The following SNX4 variants were observed in gnomAD, a reference collection of about 807,000 sequenced individuals.
SNX4 encodes sorting nexin-4.
SNX4 carries 49 observed loss-of-function variants against 70.8 expected under a neutral mutation model. That is an observed-to-expected ratio of 0.69 (90% CI 0.55 to 0.88). SNX4 has a LOEUF of 0.88. Ranked by LOEUF, SNX4 falls within the 40% of genes least tolerant of loss-of-function variation. The pLI is 0.00. For missense variants in SNX4, 528 were observed against 544.8 expected (o/e 0.97, Z 0.31); for synonymous variants, 206 against 183.8 (o/e 1.12, Z -0.98).
chr3:125,461,441 C>T (rs1028076660), intron 9 of SNX4, among the ~76,000 whole-genome samples: 3 of 152,084 alleles, frequency 2.0e-5, no homozygotes, highest in Non-Finnish European at 4.4e-5. Flanking sequence ...AAAAAATGGT[C>T]TTTTTCATAG....
chr3:125,511,571 GC>G (rs1935176336), intron 1 of SNX4, among the ~76,000 whole-genome samples: 1 of 152,124 alleles, frequency 6.6e-6, no homozygotes, highest in African/African-American at 2.4e-5. Flanking sequence ...CAGACCCTAG[GC>G]CATATGTTTC....
intron 1 of SNX4, 123 bp downstream of exon 1, chr3:125,519,909 A>G (rs1038772481): frequency 3.8e-5 from 33 of 877,972 alleles, no homozygotes; most frequent in Non-Finnish European, 8.0e-6. Context: ...GCTCCCCCTC[A>G]CTGCTGGGCC....
intron 5 of SNX4, among the ~76,000 whole-genome samples, chr3:125,491,966 G>C (rs1215837991): frequency 6.6e-6 from 1 of 151,894 alleles, no homozygotes; most frequent in Non-Finnish European, 1.5e-5. Context: ...AAATTAGCCA[G>C]GTGTGGTGGC....
intron 8 of SNX4, among the ~76,000 whole-genome samples, chr3:125,475,941 T>C (rs1934280045): frequency 1.3e-5 from 2 of 150,832 alleles, no homozygotes; most frequent in South Asian, 4.2e-4. Context: ...CCTACACCAC[T>C]GCACTCCAGC....
intron 13 of SNX4, among the ~76,000 whole-genome samples, chr3:125,448,071 G>A (rs1258529435): frequency 1.3e-5 from 2 of 151,494 alleles, no homozygotes; most frequent in Non-Finnish European, 2.9e-5. Flanking sequence ...TTGGAAAACT[G>A]AGTTAATTCA....
chr3:125,506,594 C>A (rs1160472523), intron 1 of SNX4, among the ~76,000 whole-genome samples: 2 of 150,190 alleles, frequency 1.3e-5, no homozygotes, highest in African/African-American at 4.9e-5. Flanking sequence ...TAACCTCCAC[C>A]TCTTGGGTTC....
rs142722230 is a variant in SNX4 at position 125,485,778 on chromosome 3, C to T, written c.653+3630G>A. Among the ~76,000 whole-genome samples, 671 of 152,238 alleles carry T rather than the reference C, an allele frequency of 4.4e-3. 7 individuals carry two copies. The highest frequency in any genetic ancestry group is 0.016 in the African/African-American group (644 of 41,540). The stretch of plus-strand genomic sequence containing the variant: ...AGTGACTGTGAGAAATCATAAATGA[C>T]AGTCCACTCCCCACCCTCCTCTTCT... On this transcript the variant is annotated intron_variant, in intron 6 of 13. Coordinates refer to ENST00000251775, the MANE Select transcript of SNX4 (RefSeq NM_003794.4).
chr3:125,489,573 T>C, intron 5 of SNX4, 110 bp from the exon 6 acceptor site: 1 of 824,182 alleles, frequency 1.2e-6, no homozygotes, highest in East Asian at 2.6e-5. Flanking sequence ...TTTCTTCATA[T>C]CAATTGTTGT....
chr3:125,511,005 GCCT>G (rs1272557660), intron 1 of SNX4, among the ~76,000 whole-genome samples: 1 of 152,170 alleles, frequency 6.6e-6, no homozygotes, highest in Non-Finnish European at 1.5e-5. Context: ...CGCAACCTCA[GCCT>G]CCTGGGCTCA....
intron 1 of SNX4, among the ~76,000 whole-genome samples, chr3:125,504,962 T>C (rs533826106): frequency 6.6e-6 from 1 of 152,138 alleles, no homozygotes; most frequent in African/African-American, 2.4e-5. Context: ...ATTTTAGTTA[T>C]GTATGTATTT....
intron 8 of SNX4, among the ~76,000 whole-genome samples, chr3:125,476,297 T>C (rs980030563): frequency 7.9e-6 from 1 of 126,316 alleles, no homozygotes; most frequent in Non-Finnish European, 1.6e-5. Flanking sequence ...AAGGGCTGGG[T>C]GCAGTGGCTT....
intron 1 of SNX4, among the ~76,000 whole-genome samples, chr3:125,509,291 C>T (rs1243532496): frequency 2.7e-5 from 4 of 147,096 alleles, no homozygotes; most frequent in South Asian, 4.3e-4. Context: ...GATTGCACCA[C>T]TGCACTCCAG....
intron 8 of SNX4, 81 bp downstream of exon 8, chr3:125,476,614 C>G (rs1934294749): frequency 2.3e-6 from 2 of 858,684 alleles, no homozygotes; most frequent in Admixed American, 2.1e-5. Context: ...TCTCTCCACA[C>G]TCATAAATGT....
rs201334146 is a variant in SNX4, at chr3:125,509,391, C to G, written c.142-4647G>C. Among the ~76,000 whole-genome samples the G allele has an allele frequency of 4.0e-5, 6 of 148,968 alleles. No individual in the cohort carries two copies. In the East Asian group the frequency reaches 1.2e-3, roughly 30 times the overall value. On this transcript the variant is annotated intron_variant, in intron 1 of 13. Coordinates refer to ENST00000251775, the MANE Select transcript of SNX4 (RefSeq NM_003794.4). ...TAGAGTAAAAAGGCAACCCAAAGAA[C>G]AGAAGAAAGTATTTTCTCTCACGGA...
At chr3:125,454,001 T>C (rs376660398) in intron 11 of SNX4, 46 bp from the exon 12 acceptor site, 84 of 1,456,962 alleles carry the variant, frequency 5.8e-5, no homozygotes, top group Non-Finnish European at 7.8e-5. Flanking sequence ...AAATGCGGCA[T>C]ACACATACAC....
chr3:125,459,810 C>G (rs112507432), intron 10 of SNX4, among the ~76,000 whole-genome samples: 1 of 152,062 alleles, frequency 6.6e-6, no homozygotes. Flanking sequence ...AGAAGGAAAA[C>G]GAGCTAACAA....
At chr3:125,485,271 C>T (rs1470601164) in intron 6 of SNX4, among the ~76,000 whole-genome samples, 1 of 151,970 alleles carries the variant, frequency 6.6e-6, no homozygotes. Flanking sequence ...AAAAACACAG[C>T]TTGGGGTATA....
At chr3:125,495,250 T>C (rs367557182) in intron 5 of SNX4, among the ~76,000 whole-genome samples, 5 of 38,154 alleles carry the variant, frequency 1.3e-4, no homozygotes, top group East Asian at 1.3e-3. Context: ...CATTCTCTCT[T>C]TATATATATA....
At chr3:125,516,162 C>T (rs1339104046) in intron 1 of SNX4, among the ~76,000 whole-genome samples, 2 of 152,080 alleles carry the variant, frequency 1.3e-5, no homozygotes, top group Non-Finnish European at 2.9e-5. Flanking sequence ...TTATGAATTC[C>T]TCAGGTAATG....
Sources: allele counts gnomAD v4.1 joint callset (sites outside exome capture counted in the v4.1 genomes callset), GRCh38; gene constraint gnomAD v4.1.1; transcripts MANE v1.5; gene names NCBI Gene and HGNC (gene_info 2026-07-23, HGNC 2026-07-21).